NRIP1: variants seen among roughly 807,000 people sequenced by gnomAD.
The protein encoded by NRIP1 is nuclear receptor-interacting protein 1.
Under a neutral mutation model 75.0 loss-of-function variants are expected in NRIP1, and 28 were observed. That is an observed-to-expected ratio of 0.37 (90% confidence interval 0.28 to 0.51). The LOEUF (loss-of-function observed/expected upper bound fraction) is 0.51. Among genes scored for constraint, NRIP1 ranks in the 20% least tolerant of loss-of-function variants. The pLI, the probability that NRIP1 is intolerant of heterozygous loss-of-function variation, is 0.92. For synonymous variants in NRIP1, 526 were observed against 487.6 expected (o/e 1.08, Z -1.04); for missense variants, 1,435 against 1,343.7 (o/e 1.07, Z -1.06).
chr21:14,978,056 T>G (rs1339743099), intron 3 of NRIP1, among the ~76,000 whole-genome samples: 1 of 152,188 alleles, frequency 6.6e-6, no homozygotes, highest in Non-Finnish European at 1.5e-5. Flanking sequence ...AAGGCCAAAT[T>G]TGCTCCTAAC....
intron 3 of NRIP1, among the ~76,000 whole-genome samples, chr21:14,993,067 C>T (rs575438160): frequency 4.6e-5 from 7 of 152,104 alleles, no homozygotes; most frequent in Non-Finnish European, 1.0e-4. Context: ...GTTCAATAAT[C>T]AGTTTTTAAT....
chr21:14,973,841 T>G (rs2086971775), intron 3 of NRIP1, among the ~76,000 whole-genome samples: 1 of 109,470 alleles, frequency 9.1e-6, no homozygotes, highest in Non-Finnish European at 1.8e-5. Context: ...CATGCAGAGC[T>G]GATTTTTTTT....
chr21:15,064,553 C>A lies in NRIP1; in HGVS notation c.-538+192G>T, dbSNP rs1452065579. On this transcript the variant is annotated intron_variant, in intron 1 of 3. Transcript: ENST00000318948. ...AACTTGCCGGCCCGCCGCCCCGGCC[C>A]CCCGCGAGAACCCGGAGACTCGAAC... Among the ~76,000 whole-genome samples the A allele has an allele frequency of 2.0e-5, 3 of 151,534 alleles. No individual in the cohort carries two copies. In the East Asian group the frequency reaches 5.8e-4, roughly 29 times the overall value.
In NRIP1 at chr21:14,974,065, C is replaced by T. The variant is rs574269338; in HGVS notation, c.-334-5539G>A. 10 of 152,098 alleles carry T rather than the reference C, an allele frequency of 6.6e-5. No individual in the cohort carries two copies. The East Asian group carries it at 1.7e-3, about 26-fold the overall frequency. 9.4% of individuals were successfully genotyped at this position (152,098 alleles called of 1,614,324 possible). A position where few individuals can be genotyped will look rare whatever the true frequency, so the allele number is the denominator to read the frequency against. On this transcript the variant is annotated intron_variant, in intron 3 of 3. Transcript: ENST00000318948. ...TCATTTATCATCTGGGTCCAAAAGACATTTTATTAATATTTAAGTTAATTC... is the reference window on the plus strand; with the variant it reads ...TCATTTATCATCTGGGTCCAAAAGATATTTTATTAATATTTAAGTTAATTC...
intron 3 of NRIP1, among the ~76,000 whole-genome samples, chr21:14,984,332 A>G (rs1417979417): frequency 6.6e-6 from 1 of 151,916 alleles, no homozygotes; most frequent in East Asian, 1.9e-4. Flanking sequence ...CTGTAACCTC[A>G]TAATAAAACA....
intron 2 of NRIP1, among the ~76,000 whole-genome samples, chr21:15,032,940 T>C (rs1020186995): frequency 2.9e-4 from 44 of 152,290 alleles, no homozygotes; most frequent in Admixed American, 1.7e-3. Context: ...AAAATTAAAA[T>C]GATCACCGGG....
intron 2 of NRIP1, among the ~76,000 whole-genome samples, chr21:15,026,972 C>T (rs1246803702): frequency 6.6e-6 from 1 of 152,094 alleles, no homozygotes; most frequent in South Asian, 2.1e-4. Flanking sequence ...CTTCACATTG[C>T]ATGCCTGTAT....
At chr21:15,012,411 TTA>T (rs2088124367) in intron 3 of NRIP1, among the ~76,000 whole-genome samples, 1 of 151,742 alleles carries the variant, frequency 6.6e-6, no homozygotes, top group African/African-American at 2.4e-5. Flanking sequence ...TTATAAATTT[TTA>T]GTTTTCAAAG....
chr21:14,964,836 A>G lies in NRIP1; in HGVS notation c.3357T>C (p.Phe1119=). 3.1e-6 allele frequency: 5 copies of G among 1,613,554 alleles called. No individual in the cohort carries two copies. The highest frequency in any genetic ancestry group is 4.2e-6 in the Non-Finnish European group (5 of 1,179,750). The change falls in exon 4 of 4, where the codon TTT becomes TTC. Residue 1119 remains phenylalanine, a synonymous_variant. Transcript: ENST00000318948. ...LPTAETKASF[F]NLRSPYNSHM... is the part of the protein sequence containing the mutation. ...GGCTATTGTAAGGGCTTCTTAAATT[A>G]AAGAAAGAAGCTTTCGTTTCTGCAG...
At chr21:15,021,407 G>A (rs1479589049) in intron 2 of NRIP1, among the ~76,000 whole-genome samples, 7 of 152,170 alleles carry the variant, frequency 4.6e-5, no homozygotes, top group Non-Finnish European at 7.4e-5. Context: ...TGGGGCAGGA[G>A]AGGAGAACAG....
chr21:14,997,320 A>G (rs2087754088), intron 3 of NRIP1, among the ~76,000 whole-genome samples: 2 of 152,166 alleles, frequency 1.3e-5, no homozygotes, highest in Non-Finnish European at 2.9e-5. Flanking sequence ...GCTCCTTCAG[A>G]CATATTATAC....
intron 3 of NRIP1, among the ~76,000 whole-genome samples, chr21:14,981,641 T>G (rs2087238184): frequency 6.6e-6 from 1 of 152,202 alleles, no homozygotes; most frequent in Non-Finnish European, 1.5e-5. Context: ...AGAACAACTT[T>G]TCTCTTAACA....
Position 14,967,178 on chromosome 21 carries a change from T to G in NRIP1, c.1015A>C (p.Ser339Arg). ...ARTSSSKLMA[S>R]KSSATVFQNP... ...TGAAACACTGTAGCACTACTTTTGC[T>G]AGCCATCAGTTTGCTTGATGATGTT... The change falls in exon 4 of 4, where the codon AGC becomes CGC. Residue 339 changes from serine to arginine, a missense_variant. Ser to Arg is a moderately radical substitution (Grantham distance 110). Transcript: ENST00000318948. 1 of 1,614,134 alleles carries G rather than the reference T, an allele frequency of 6.2e-7. No homozygotes were observed. Among genetic ancestry groups the G allele is most frequent in the Non-Finnish European group, 8.5e-7 (1 of 1,180,004 alleles).
chr21:15,021,733 C>T (rs1004447027), intron 2 of NRIP1, among the ~76,000 whole-genome samples: 1 of 151,974 alleles, frequency 6.6e-6, no homozygotes, highest in Non-Finnish European at 1.5e-5. Flanking sequence ...TGAACAAAGA[C>T]ATGAACAGAC....
intron 3 of NRIP1, among the ~76,000 whole-genome samples, chr21:14,968,781 TA>T (rs1417505061): frequency 6.6e-6 from 1 of 152,208 alleles, no homozygotes; most frequent in African/African-American, 2.4e-5. Context: ...GAACATACTT[TA>T]ATGTTACATA....
chr21:15,060,376 G>T (rs2089398810), intron 1 of NRIP1, among the ~76,000 whole-genome samples: 1 of 152,004 alleles, frequency 6.6e-6, no homozygotes, highest in African/African-American at 2.4e-5. Context: ...AGTTTCTGTG[G>T]TCTCTATTTT....
intron 3 of NRIP1, among the ~76,000 whole-genome samples, chr21:14,980,213 A>T (rs1035059926): frequency 6.6e-6 from 1 of 152,152 alleles, no homozygotes; most frequent in African/African-American, 2.4e-5. Context: ...AGTGCAGGCT[A>T]GATGTGGTGG....
chr21:14,982,040 G>A (rs561958782), intron 3 of NRIP1, among the ~76,000 whole-genome samples: 49 of 151,990 alleles, frequency 3.2e-4, no homozygotes, highest in African/African-American at 1.1e-3. Flanking sequence ...TTGTAGGGAC[G>A]GGTTTTACCA....
At chr21:14,975,644 AG>A (rs2087039644) in intron 3 of NRIP1, among the ~76,000 whole-genome samples, 2 of 123,844 alleles carry the variant, frequency 1.6e-5, no homozygotes, top group African/African-American at 3.1e-5. Flanking sequence ...AAAAAAAAAA[AG>A]GAAGGAAGGA....
Sources: allele counts gnomAD v4.1 joint callset (sites outside exome capture counted in the v4.1 genomes callset), GRCh38; gene constraint gnomAD v4.1.1; transcripts MANE v1.5; gene names NCBI Gene and HGNC (gene_info 2026-07-23, HGNC 2026-07-21).